Variants in TDRD7 observed in about 807,000 individuals in gnomAD.
The protein encoded by TDRD7 is tudor domain-containing protein 7.
In TDRD7, 47 loss-of-function variants were observed where a neutral mutation model predicts 109.8. The ratio of observed to expected loss-of-function variants is 0.43; its 90% CI spans 0.34 to 0.55. The LOEUF (loss-of-function observed/expected upper bound fraction) is 0.55, where lower values mean the gene tolerates loss of function less well. Ranked by LOEUF, TDRD7 falls within the 20% of genes least tolerant of loss-of-function variation. The pLI, the probability that TDRD7 is intolerant of heterozygous loss-of-function variation, is 0.03. For synonymous variants in TDRD7, 424 were observed against 457.3 expected (o/e 0.93, Z 0.93); for missense variants, 1,164 against 1,319.2 (o/e 0.88, Z 1.82).
At chr9:97,476,958 G>A (rs1829032675) in intron 12 of TDRD7, among the ~76,000 whole-genome samples, 1 of 152,136 alleles carries the variant, frequency 6.6e-6, no homozygotes, top group Non-Finnish European at 1.5e-5. Flanking sequence ...GTGACTGTAT[G>A]TCAGAAGGCT....
At chr9:97,448,275 A>G (rs763401831) in intron 6 of TDRD7, among the ~76,000 whole-genome samples, 2 of 152,232 alleles carry the variant, frequency 1.3e-5, no homozygotes, top group Non-Finnish European at 2.9e-5. Flanking sequence ...GTGATATGGA[A>G]CGGTGGATTG....
chr9:97,479,633 C>G (rs1441299061), intron 13 of TDRD7, among the ~76,000 whole-genome samples: 3 of 152,128 alleles, frequency 2.0e-5, no homozygotes, highest in Non-Finnish European at 2.9e-5. Context: ...TAAAAGCCAG[C>G]CAGCCCAAGC....
intron 9 of TDRD7, among the ~76,000 whole-genome samples, chr9:97,471,037 A>G (rs1270322511): frequency 6.6e-6 from 1 of 152,008 alleles, no homozygotes; most frequent in Non-Finnish European, 1.5e-5. Flanking sequence ...TCCCACTGAG[A>G]TGTACTGTGG....
chr9:97,440,808 A>T (rs185005777), intron 5 of TDRD7, among the ~76,000 whole-genome samples: 4 of 152,304 alleles, frequency 2.6e-5, no homozygotes, highest in East Asian at 1.9e-4. Context: ...ATATACTCAG[A>T]TCTGTATCTC....
At chr9:97,434,920 C>T (rs1012661095) in intron 4 of TDRD7, among the ~76,000 whole-genome samples, 29 of 152,060 alleles carry the variant, frequency 1.9e-4, no homozygotes, top group African/African-American at 6.5e-4. Flanking sequence ...TCTCAAAAAG[C>T]GACATACTGT....
chr9:97,479,388 A>G lies in TDRD7; in HGVS notation c.2301+815A>G, dbSNP rs546350901. ...GGAAATTGATGGGCCTTTAAGTGCT[A>G]CTCTGACTTAATAATACCTCTTGTT... is the stretch of plus-strand genomic sequence containing the variant. On this transcript the variant is annotated intron_variant, in intron 13 of 16. Transcript: ENST00000355295. Among the ~76,000 whole-genome samples, 4 of 152,114 alleles carry G rather than the reference A, an allele frequency of 2.6e-5. No homozygotes were observed. In the South Asian group the frequency reaches 6.2e-4, roughly 24 times the overall value.
At chr9:97,487,479 A>G in intron 16 of TDRD7, 147 bp downstream of exon 16, 1 of 963,610 alleles carries the variant, frequency 1.0e-6, no homozygotes, top group Non-Finnish European at 1.6e-6. Context: ...TGCAACCATA[A>G]TGGAAATAAT....
At chr9:97,438,513 C>T (rs1017541595) in intron 4 of TDRD7, among the ~76,000 whole-genome samples, 2 of 152,112 alleles carry the variant, frequency 1.3e-5, no homozygotes, top group Non-Finnish European at 2.9e-5. Flanking sequence ...AGCTCTGCCC[C>T]AGGCACTTGG....
rs746575726 is a variant in TDRD7 at position 97,460,403 on chromosome 9, C to A, written c.1081C>A (p.Leu361Ile). ...CACAAGTGGCCTTTGGGCCAGTGCA[C>A]TTCCGAAAGCATTTGAGGAAATGTA... Reference protein sequence around the residue: ...KYTSGLWASALPKAFEEMYKV... With the variant: ...KYTSGLWASAIPKAFEEMYKV... Residue 361 changes from leucine to isoleucine, a missense_variant, in exon 7 of 17, where the codon CTT (leucine) becomes ATT (isoleucine). Leu to Ile is a conservative substitution (Grantham distance 5). Transcript: ENST00000355295. 1.2e-6 allele frequency: 2 copies of A among 1,614,090 alleles called. No individual in the cohort carries two copies. The highest frequency in any genetic ancestry group is 1.7e-6 in the Non-Finnish European group (2 of 1,180,056).
rs189681984 is a variant in TDRD7, at chr9:97,412,661, C to G, written c.-7+423C>G. ...GCCGCCGCCCCCAGCGAGGGATGTC[C>G]GCGCTCCCCTATTTGAACCCAAGTA... On this transcript the variant is annotated intron_variant, in intron 1 of 16. Coordinates refer to ENST00000355295, the MANE Select transcript of TDRD7 (RefSeq NM_014290.3). The surrounding 1 kb of genome is among the most constrained non-coding windows in gnomAD (Gnocchi z 4.3). 1.1e-4 allele frequency among the ~76,000 whole-genome samples: 17 copies of G among 152,346 alleles called. No homozygotes were observed. The East Asian group carries it at 3.1e-3, about 28-fold the overall frequency.
Position 97,432,068 on chromosome 9 carries a change from T to G in TDRD7, c.393T>G (p.Asn131Lys). Reference protein sequence around the residue: ...ATLRQPGFASNFSVGKKPNPA... With the variant: ...ATLRQPGFASKFSVGKKPNPA... ...TCAGACAACCAGGATTTGCTTCAAA[T>G]TTTTCTGTTGGCAAAAAACCTAATC... Residue 131 changes from asparagine to lysine, a missense_variant, in exon 4 of 17, where the codon AAT becomes AAG. Around this residue, in one of 5 missense-constraint regions of TDRD7, gnomAD observed 407 missense variants for 394.0 expected, o/e 1.03. Coordinates refer to ENST00000355295, the MANE Select transcript of TDRD7 (RefSeq NM_014290.3). The G allele has an allele frequency of 1.9e-6, 3 of 1,613,840 alleles. No individual in the cohort carries two copies. The highest frequency in any genetic ancestry group is 2.5e-6 in the Non-Finnish European group (3 of 1,179,802).
intron 1 of TDRD7, among the ~76,000 whole-genome samples, chr9:97,423,802 G>A (rs1827938122): frequency 6.6e-6 from 1 of 151,966 alleles, no homozygotes; most frequent in Non-Finnish European, 1.5e-5. Flanking sequence ...AATTTGCATG[G>A]AGATTGTTCA....
chr9:97,478,183 C>T (rs973341508), intron 12 of TDRD7, among the ~76,000 whole-genome samples: 1 of 152,096 alleles, frequency 6.6e-6, no homozygotes, highest in African/African-American at 2.4e-5. Context: ...ATCACTTGAA[C>T]CTGGGAGGCG....
intron 16 of TDRD7, among the ~76,000 whole-genome samples, chr9:97,494,696 A>G (rs958970672): frequency 1.2e-3 from 39 of 32,360 alleles, no homozygotes; most frequent in South Asian, 2.4e-3. Context: ...ATATATATGT[A>G]TATATATATA....
intron 14 of TDRD7, 122 bp from the exon 15 acceptor site, chr9:97,482,727 A>C (rs2131177115): frequency 9.8e-7 from 1 of 1,020,672 alleles, no homozygotes; most frequent in South Asian, 1.6e-5. Flanking sequence ...TCCTTAAATA[A>C]AATGGATTTT....
At position 97,482,941 on chromosome 9, in the gene TDRD7, G is replaced by A; in HGVS notation, c.2505G>A (p.Gln835=). Residue 835 remains glutamine (Q), a synonymous_variant, in exon 15 of 17, where the codon CAG becomes CAA. Coordinates refer to ENST00000355295, the MANE Select transcript of TDRD7 (RefSeq NM_014290.3). ...ACCCTCATCGCAGTATTAATCGCCA[G>A]ATTACAAATGCAGACTTGTGGAAGC... is the stretch of plus-strand genomic sequence containing the variant. ...FPDPHRSINR[Q]ITNADLWKHQ... The A allele has an allele frequency of 1.2e-6, 2 of 1,614,194 alleles. No individual in the cohort carries two copies. The highest frequency in any genetic ancestry group is 1.3e-5 in the African/African-American group (1 of 75,046).
At position 97,495,914 on chromosome 9, in the gene TDRD7, C is replaced by T; in HGVS notation, c.*31C>T. On this transcript the variant is annotated 3_prime_UTR_variant, in exon 17 of 17. Transcript: ENST00000355295. ...GCCTCTGAAACCTTGACAACTAATTCAGATTTTTTAGCAATAACAAAATGT... is the reference window on the plus strand; with the variant it reads ...GCCTCTGAAACCTTGACAACTAATTTAGATTTTTTAGCAATAACAAAATGT... 6.3e-7 allele frequency: 1 copy of T among 1,584,136 alleles called. No individual in the cohort carries two copies. The highest frequency in any genetic ancestry group is 8.7e-7 in the Non-Finnish European group (1 of 1,153,638).
intron 11 of TDRD7, among the ~76,000 whole-genome samples, chr9:97,473,896 G>A (rs1828964997): frequency 6.6e-6 from 1 of 152,200 alleles, no homozygotes; most frequent in Non-Finnish European, 1.5e-5. Flanking sequence ...CATGTAGTCA[G>A]TGCACAGCAA....
At position 97,455,208 on chromosome 9, in the gene TDRD7, C is replaced by T. The variant is rs564291464; in HGVS notation, c.856-4970C>T. On this transcript the variant is annotated intron_variant, in intron 6 of 16. Transcript: ENST00000355295. ...AATAGCCTACCAACCAAAAAAAGCC[C>T]GGGCCCAGGTGGATTCACAGCTGAA... Among the ~76,000 whole-genome samples, 12 of 152,222 alleles carry T rather than the reference C, an allele frequency of 7.9e-5. No homozygotes were observed. The South Asian group carries it at 1.5e-3, about 18-fold the overall frequency.
Sources: gnomAD v4.1 joint callset for allele counts (sites outside exome capture counted in the v4.1 genomes callset) on GRCh38, gnomAD v4.1.1 for gene constraint, gnomAD v4.1.1 regional missense constraint, Gnocchi (gnomAD v3.1) non-coding constraint, MANE v1.5 for transcripts, NCBI Gene and HGNC (gene_info 2026-07-23, HGNC 2026-07-21) for gene names.